ABR: variants seen among roughly 807,000 people sequenced by gnomAD.
ABR encodes ABR activator of RhoGEF and GTPase, also known as active breakpoint cluster region-related protein.
Under a neutral mutation model 107.2 loss-of-function variants are expected in ABR, and 35 were observed. The observed-to-expected ratio is 0.33, with a 90% CI of 0.25 to 0.43. The LOEUF (loss-of-function observed/expected upper bound fraction) is 0.43. ABR is among the 20% of genes least tolerant of loss of function. The pLI is 1.00. For missense variants in ABR, 815 were observed against 1,115.2 expected, an observed-to-expected ratio of 0.73 and a Z score of 3.83; for synonymous variants, 498 against 462.0, an observed-to-expected ratio of 1.08 and a Z score of -1.00.
intron 9 of ABR, among the ~76,000 whole-genome samples, 187 bp downstream of exon 9, chr17:1,069,781 GA>G (rs2035065115): frequency 8.7e-6 from 1 of 115,398 alleles, no homozygotes; most frequent in Admixed American, 8.9e-5. Context: ...CAGAGGTCAG[GA>G]CCCCCTCCCC....
chr17:1,181,381 G>A (rs559246401), upstream of ABR, among the ~76,000 whole-genome samples: 9 of 152,296 alleles, frequency 5.9e-5, no homozygotes, highest in African/African-American at 2.2e-4. Context: ...TGCTCTGGGT[G>A]GGGAAGCCTC....
chr17:1,120,662 A>G (rs775596483), intron 2 of ABR, among the ~76,000 whole-genome samples: 1 of 152,164 alleles, frequency 6.6e-6, no homozygotes, highest in Non-Finnish European at 1.5e-5. Flanking sequence ...TCGATTTTAC[A>G]TTGACAAAGC....
At chr17:1,215,264 C>CTCCACGGTCTCCCTCTCCCTCTCTT (rs2150747584) in intron 1 of ABR, among the ~76,000 whole-genome samples, 1 of 151,626 alleles carries the variant, frequency 6.6e-6, no homozygotes, top group Non-Finnish European at 1.5e-5. Flanking sequence ...CTCCCTCTCT[C>CTCCACGGTCTCCCTCTCCCTCTCTT]TCCACGGTCT....
chr17:1,033,724 G>C (rs2072973517), intron 16 of ABR, among the ~76,000 whole-genome samples: 2 of 152,208 alleles, frequency 1.3e-5, no homozygotes, highest in African/African-American at 2.4e-5. Context: ...GAGCTGCTAA[G>C]TGGGGGCTGA....
chr17:1,216,625 C>T (rs772147188), intron 1 of ABR, among the ~76,000 whole-genome samples: 1 of 152,128 alleles, frequency 6.6e-6, no homozygotes, highest in Non-Finnish European at 1.5e-5. Flanking sequence ...TTGTTTTAAC[C>T]CTCTGTAGCC....
intron 1 of ABR, among the ~76,000 whole-genome samples, chr17:1,207,176 C>T (rs556978291): frequency 1.2e-4 from 19 of 152,132 alleles, no homozygotes; most frequent in African/African-American, 4.1e-4. Flanking sequence ...TGCTTGAGCC[C>T]AGGAGTTCAA....
intron 9 of ABR, among the ~76,000 whole-genome samples, chr17:1,068,737 G>A (rs921091725): frequency 3.3e-5 from 5 of 152,160 alleles, no homozygotes; most frequent in Admixed American, 1.3e-4. Context: ...CGGGTAGAGA[G>A]AAGGAGGCTC....
Position 1,103,690 on chromosome 17 carries a change from A to G in ABR, c.247-2955T>C, listed in dbSNP as rs2038058537. Among the ~76,000 whole-genome samples, 3 of 151,624 alleles carry G rather than the reference A, an allele frequency of 2.0e-5. No individual in the cohort carries two copies. The South Asian group carries it at 6.3e-4, about 32-fold the overall frequency. On this transcript the variant is annotated intron_variant, in intron 2 of 22. Transcript: ENST00000302538. ...TCTGATGGGAAGACAACTCAGGAAG[A>G]CCCTCCCTCAAGAGGCAACAGTCAG...
At chr17:1,113,666 T>C (rs1048757928) in intron 2 of ABR, among the ~76,000 whole-genome samples, 1 of 152,208 alleles carries the variant, frequency 6.6e-6, no homozygotes, top group African/African-American at 2.4e-5. Flanking sequence ...CTGCGTCAGA[T>C]GTGCCCGCTG....
At position 1,088,892 on chromosome 17, in the gene ABR, A is replaced by ATTT. The variant is rs56669324; in HGVS notation, c.531+2770_531+2772dup. Among the ~76,000 whole-genome samples, 631 of 102,462 alleles carry ATTT rather than the reference A, an allele frequency of 6.2e-3. 24 individuals are homozygous for ATTT. In the East Asian group the frequency reaches 0.088, roughly 14 times the overall value. The allele number at this position is 102,462 out of a possible 152,430, so 67.2% of individuals were successfully genotyped here. A position where few individuals can be genotyped will look rare whatever the true frequency, so the allele number is the denominator to read the frequency against. On this transcript the variant is annotated intron_variant, in intron 4 of 22. Transcript: ENST00000302538. ...TAAGCGTGAGCCACTGTGCCCAGCC[A>ATTT]TTTTTTTTTTTTTTTTTTTTTGAGA...
intron 16 of ABR, among the ~76,000 whole-genome samples, chr17:1,023,974 G>T (rs1038038709): frequency 7.2e-6 from 1 of 139,188 alleles, no homozygotes; most frequent in African/African-American, 2.7e-5. Context: ...GCGGTGAGCC[G>T]AGATTGTGCC....
intron 2 of ABR, chr17:1,101,038 G>GATAT (rs1247836026): frequency 5.2e-6 from 2 of 387,930 alleles, no homozygotes; most frequent in Non-Finnish European, 9.7e-6. Flanking sequence ...TGGCCAGGCT[G>GATAT]ATATAGAACT....
At chr17:1,065,844 C>G (rs866122223) in intron 10 of ABR, among the ~76,000 whole-genome samples, 7 of 147,972 alleles carry the variant, frequency 4.7e-5, no homozygotes, top group Middle Eastern at 3.5e-3. Flanking sequence ...CTCCCAGGTT[C>G]AAGCAATTCT....
intron 16 of ABR, among the ~76,000 whole-genome samples, chr17:1,022,192 A>T (rs931173475): frequency 6.6e-6 from 1 of 151,564 alleles, no homozygotes; most frequent in Non-Finnish European, 1.5e-5. Context: ...TGGAAGGTGG[A>T]GCTGTGTGGG....
At chr17:1,021,211 C>T (rs1279355029) in intron 16 of ABR, among the ~76,000 whole-genome samples, 4 of 152,320 alleles carry the variant, frequency 2.6e-5, no homozygotes, top group South Asian at 2.1e-4. Context: ...CCACTCAGGA[C>T]GTGATCCAGG....
chr17:1,105,621 C>A (rs2038196211), intron 2 of ABR, among the ~76,000 whole-genome samples: 1 of 152,182 alleles, frequency 6.6e-6, no homozygotes, highest in South Asian at 2.1e-4. Context: ...CTCCTGTAAT[C>A]CCAGCACTTT....
In ABR at chr17:1,164,580, A is replaced by T. The variant is rs1170522038; in HGVS notation, c.61+15087T>A. 2.0e-5 allele frequency among the ~76,000 whole-genome samples: 3 copies of T among 152,090 alleles called. No individual in the cohort carries two copies. In the East Asian group the frequency reaches 5.8e-4, roughly 29 times the overall value. On this transcript the variant is annotated intron_variant, in intron 1 of 22. Coordinates refer to ENST00000302538, the MANE Select transcript of ABR (RefSeq NM_021962.5). ...CAGACAAGCTTTCGGTCTACAGATA[A>T]AATGCAAGACGCCCAGTGAACATGA... is the stretch of plus-strand genomic sequence containing the variant.
chr17:1,222,146 C>G lies in ABR; in HGVS notation c.838+6647G>C, dbSNP rs942073298. 4.7e-4 allele frequency among the ~76,000 whole-genome samples: 71 copies of G among 150,024 alleles called. 1 individual carries two copies. Among genetic ancestry groups the G allele is most frequent in the Admixed American group, 1.7e-3 (25 of 14,932 alleles). ...GAGTCGTGATCTCGGCTCACTGCAA[C>G]CTCTGCCTCCCGGGTTCAAGCAATT... On this transcript the variant is annotated intron_variant, in intron 1 of 22. Coordinates refer to the ABR transcript ENST00000574139.
chr17:1,109,231 G>GCTCCGCCGC (rs2038492679), intron 2 of ABR: 1 of 962,370 alleles, frequency 1.0e-6, no homozygotes, highest in Non-Finnish European at 1.4e-6. Context: ...AGTCCAGCCC[G>GCTCCGCCGC]CTCCGCCGCC....
Sources: allele counts gnomAD v4.1 joint callset (sites outside exome capture counted in the v4.1 genomes callset), GRCh38; gene constraint gnomAD v4.1.1; transcripts MANE v1.5; gene names NCBI Gene and HGNC (gene_info 2026-07-23, HGNC 2026-07-21).